The following LRP1B variants were observed in gnomAD, a reference collection of about 807,000 sequenced individuals.
LRP1B encodes low-density lipoprotein receptor-related protein 1B.
A neutral mutation model predicts 556.6 loss-of-function variants in LRP1B; 217 were observed. The observed-to-expected ratio is 0.39, with a 90% CI of 0.35 to 0.44. The LOEUF (loss-of-function observed/expected upper bound fraction) is 0.44, where lower values mean the gene tolerates loss of function less well. Among genes scored for constraint, LRP1B ranks in the 20% least tolerant of loss-of-function variants. The pLI is 1.00. For missense variants in LRP1B, 5,053 were observed against 5,620.8 expected (o/e 0.90, Z 3.23); for synonymous variants, 2,047 against 1,865.8 (o/e 1.10, Z -2.50).
chr2:141,646,175 A>G (rs1420230867), intron 2 of LRP1B, among the ~76,000 whole-genome samples: 1 of 152,182 alleles, frequency 6.6e-6, no homozygotes, highest in Non-Finnish European at 1.5e-5. Flanking sequence ...AGAGTTTCCA[A>G]CAGTTACATC....
chr2:141,006,465 T>A (rs1697578004), intron 14 of LRP1B, among the ~76,000 whole-genome samples: 2 of 152,004 alleles, frequency 1.3e-5, no homozygotes, highest in Non-Finnish European at 2.9e-5. Context: ...CCAATTAGTC[T>A]TACAGGTTGG....
chr2:140,522,176 G>T (rs10197767), intron 49 of LRP1B, among the ~76,000 whole-genome samples: 141,914 of 152,006 alleles, frequency 0.93, 66,976 homozygotes, highest in East Asian at 1. Context: ...GTTAACCACA[G>T]GTGTGGTCAT....
intron 1 of LRP1B, among the ~76,000 whole-genome samples, chr2:141,994,964 G>T (rs1702448290): frequency 6.6e-6 from 1 of 152,046 alleles, no homozygotes; most frequent in Non-Finnish European, 1.5e-5. Context: ...TAGCACTGAG[G>T]CAACCCCTTG....
chr2:141,736,711 G>A lies in LRP1B; in HGVS notation c.205+73568C>T, dbSNP rs145926239. Among the ~76,000 whole-genome samples the A allele has an allele frequency of 4.6e-5, 7 of 152,290 alleles. No individual in the cohort carries two copies. In the East Asian group the frequency reaches 1.4e-3, roughly 29 times the overall value. On this transcript the variant is annotated intron_variant, in intron 2 of 90. Coordinates refer to ENST00000389484, the MANE Select transcript of LRP1B (RefSeq NM_018557.3). ...ACTACAGTGGCAGCAGAGATAAGCAGATGATCATCTTTGAACTTTGAACTT... is the reference window on the plus strand; with the variant it reads ...ACTACAGTGGCAGCAGAGATAAGCAAATGATCATCTTTGAACTTTGAACTT...
chr2:140,435,847 G>C (rs2105290929), intron 66 of LRP1B, among the ~76,000 whole-genome samples: 1 of 152,176 alleles, frequency 6.6e-6, no homozygotes, highest in South Asian at 2.1e-4. Context: ...AAAAGCTAGA[G>C]GACAATTTCC....
At chr2:141,884,862 C>G (rs1189456258) in intron 1 of LRP1B, among the ~76,000 whole-genome samples, 1 of 152,066 alleles carries the variant, frequency 6.6e-6, no homozygotes, top group East Asian at 1.9e-4. Context: ...GTCACACTAA[C>G]CCGGTGAATA....
chr2:141,265,425 G>A (rs1684847607), intron 3 of LRP1B, among the ~76,000 whole-genome samples: 1 of 152,146 alleles, frequency 6.6e-6, no homozygotes, highest in African/African-American at 2.4e-5. Context: ...CCCAGTGGAG[G>A]CCCTCATGCT....
rs1183649611 is a variant in LRP1B, at chr2:141,785,692, C to A, written c.205+24587G>T. Among the ~76,000 whole-genome samples the A allele has an allele frequency of 4.7e-5, 7 of 150,488 alleles. No homozygotes were observed. In the Admixed American group the frequency reaches 4.7e-4, roughly 10 times the overall value. The stretch of plus-strand genomic sequence containing the variant: ...TTATGTGCCTTTAGGAGAGACGGAG[C>A]AGAAATTACTTGGCCTTCTCCGTAT... On this transcript the variant is annotated intron_variant, in intron 2 of 90. Coordinates refer to ENST00000389484, the MANE Select transcript of LRP1B (RefSeq NM_018557.3).
chr2:141,162,294 G>A (rs904495254), intron 7 of LRP1B, among the ~76,000 whole-genome samples: 3 of 152,052 alleles, frequency 2.0e-5, no homozygotes, highest in East Asian at 3.9e-4. Flanking sequence ...ATTTTGTGGA[G>A]GTGGAACGAA....
chr2:140,827,151 T>C (rs138759178), intron 31 of LRP1B, among the ~76,000 whole-genome samples: 16 of 152,204 alleles, frequency 1.1e-4, no homozygotes, highest in Non-Finnish European at 1.2e-4. Flanking sequence ...TAAGCAAACA[T>C]ACCCTAGAAA....
chr2:141,337,331 C>T (rs1687882071), intron 3 of LRP1B, among the ~76,000 whole-genome samples: 1 of 152,132 alleles, frequency 6.6e-6, no homozygotes, highest in South Asian at 2.1e-4. Flanking sequence ...ATTTAGCATT[C>T]TAATATTGTC....
chr2:141,315,138 C>T (rs933089726), intron 3 of LRP1B, among the ~76,000 whole-genome samples: 27 of 149,372 alleles, frequency 1.8e-4, no homozygotes, highest in Non-Finnish European at 3.7e-4. Flanking sequence ...TTAACTGTGA[C>T]ATTTACTTGA....
intron 83 of LRP1B, among the ~76,000 whole-genome samples, chr2:140,305,589 T>C (rs1300723881): frequency 2.6e-5 from 4 of 152,138 alleles, no homozygotes; most frequent in East Asian, 1.9e-4. Context: ...GCAATCATGT[T>C]ATCTGCAAAC....
At chr2:141,684,869 A>G (rs563201290) in intron 2 of LRP1B, among the ~76,000 whole-genome samples, 3 of 151,950 alleles carry the variant, frequency 2.0e-5, no homozygotes, top group Non-Finnish European at 4.4e-5. Context: ...AGGCTGCCAG[A>G]CTCCCAAAAT....
rs1432038864 is a variant in LRP1B at position 140,485,381 on chromosome 2, C to T, written c.9387G>A (p.Leu3129=). ...CTAAAGACAAGTCTCTGGGAAACTT[C>T]AGCCTTTTGCTAACGAGTATAGTAG... ...LYPTILVSKR[L]KFPRDLSLDP... is the part of the protein sequence containing the mutation. The change falls in exon 59 of 91, where the codon CTG becomes CTA. Residue 3129 remains leucine (L), a synonymous_variant. Coordinates refer to ENST00000389484, the MANE Select transcript of LRP1B (RefSeq NM_018557.3). 6 of 1,612,010 alleles carry T rather than the reference C, an allele frequency of 3.7e-6. No homozygotes were observed. Among genetic ancestry groups the T allele is most frequent in the Admixed American group, 1.7e-5 (1 of 59,576 alleles).
chr2:141,789,389 C>A (rs1695534481), intron 2 of LRP1B, among the ~76,000 whole-genome samples: 1 of 151,916 alleles, frequency 6.6e-6, no homozygotes, highest in South Asian at 2.1e-4. Context: ...ACAACGCCAA[C>A]AGCAAAAACA....
At chr2:140,605,438 C>T (rs149098992) in intron 41 of LRP1B, among the ~76,000 whole-genome samples, 14 of 152,232 alleles carry the variant, frequency 9.2e-5, no homozygotes, top group African/African-American at 3.1e-4. Context: ...TACTTTAAGC[C>T]TAACAAAACA....
At chr2:140,964,651 A>G (rs545279916) in intron 18 of LRP1B, among the ~76,000 whole-genome samples, 1 of 151,150 alleles carries the variant, frequency 6.6e-6, no homozygotes, top group East Asian at 2.0e-4. Flanking sequence ...CTAGGCTATG[A>G]TTATTGAGTG....
At chr2:141,561,917 G>T (rs890225865) in intron 2 of LRP1B, among the ~76,000 whole-genome samples, 14 of 151,746 alleles carry the variant, frequency 9.2e-5, no homozygotes, top group African/African-American at 3.4e-4. Flanking sequence ...AGAACAGATT[G>T]CCAATAGAAG....
Sources: allele counts gnomAD v4.1 joint callset (sites outside exome capture counted in the v4.1 genomes callset), GRCh38; gene constraint gnomAD v4.1.1; transcripts MANE v1.5; gene names NCBI Gene and HGNC (gene_info 2026-07-23, HGNC 2026-07-21).